The following KMT2A variants were observed in gnomAD, a reference collection of about 807,000 sequenced individuals.
The protein encoded by KMT2A is lysine methyltransferase 2A, also known as histone-lysine N-methyltransferase 2A.
KMT2A carries 16 observed loss-of-function variants against 345.3 expected under a neutral mutation model. That is an observed-to-expected ratio of 0.05 (90% CI 0.03 to 0.07). The LOEUF (loss-of-function observed/expected upper bound fraction) is 0.07, where lower values mean the gene tolerates loss of function less well. Ranked by LOEUF, KMT2A falls within the 10% of genes least tolerant of loss-of-function variation. KMT2A has a pLI of 1.00. For missense variants in KMT2A, 3,272 were observed against 4,841.6 expected (o/e 0.68, Z 9.62); for synonymous variants, 1,599 against 1,778.6 (o/e 0.90, Z 2.54).
chr11:118,458,984 T>C (rs569824650), intron 1 of KMT2A, among the ~76,000 whole-genome samples: 147 of 152,348 alleles, frequency 9.6e-4, no homozygotes, highest in African/African-American at 3.4e-3. Flanking sequence ...TCAGGAGTGA[T>C]TTTGATACTG....
At position 118,496,044 on chromosome 11, in the gene KMT2A, T is replaced by C; in HGVS notation, c.5557+151T>C. 1 of 789,912 alleles carries C rather than the reference T, an allele frequency of 1.3e-6. No homozygotes were observed. 48.9% of individuals were successfully genotyped at this position (789,912 alleles called of 1,614,324 possible). On this transcript the variant is annotated intron_variant, in intron 19 of 35. Coordinates refer to ENST00000534358, the MANE Select transcript of KMT2A (RefSeq NM_001197104.2). This position sits in a 1 kb window ranked among gnomAD's most constrained non-coding sequence, Gnocchi z 4.7. ...ATGTAATACCATCATTAATTTTGCT[T>C]CACTTGAGGTGTTAATGAGGACTTG...
chr11:118,517,873 T>G (rs575633348), intron 31 of KMT2A, among the ~76,000 whole-genome samples: 6 of 152,230 alleles, frequency 3.9e-5, no homozygotes, highest in South Asian at 4.2e-4. Context: ...AGAGACAACA[T>G]TCTTTTTGTT....
At chr11:118,509,866 C>G (rs1950652849) in intron 29 of KMT2A, 82 bp from the exon 30 acceptor site, 2 of 1,003,844 alleles carry the variant, frequency 2.0e-6, no homozygotes. Context: ...GCTTAGAGAT[C>G]ATTTATGTAA....
rs1950559524 is a variant in KMT2A at position 118,505,121 on chromosome 11, G to A, written c.9229G>A (p.Ala3077Thr). The A allele has an allele frequency of 6.2e-7, 1 of 1,613,982 alleles. No homozygotes were observed. The highest frequency in any genetic ancestry group is 1.3e-5 in the African/African-American group (1 of 74,906). The stretch of plus-strand genomic sequence containing the variant: ...GACCACTCCACCCCACCTGAAGCCA[G>A]CCACTGAGAAACTCATAGTTGTTAA... ...VQTTPPHLKP[A>T]TEKLIVVNQN... The change falls in exon 27 of 36, where the codon GCC (alanine) becomes ACC (threonine). Residue 3077 changes from alanine (A) to threonine (T), a missense_variant. This residue lies in a region of KMT2A where 748 missense variants were observed against 922.2 expected (regional missense o/e 0.81). Transcript: ENST00000534358. The surrounding 1 kb of genome is among the most constrained non-coding windows in gnomAD (Gnocchi z 4.6).
At chr11:118,442,890 T>C (rs1555026235) in intron 1 of KMT2A, among the ~76,000 whole-genome samples, 1 of 152,216 alleles carries the variant, frequency 6.6e-6, no homozygotes, top group African/African-American at 2.4e-5. Flanking sequence ...GAAAATGCTA[T>C]CTTTTATTAA....
rs995424003 is a variant in KMT2A, at chr11:118,524,722, A to C, written c.*2550A>C. On this transcript the variant is annotated 3_prime_UTR_variant, in exon 36 of 36. Transcript: ENST00000534358. ...TATTTTTTTTAAAGAAAAAAAAAAA[A>C]CCTTAAGCTGCATTTGTTACTGAAA... 12 of 178,696 alleles carry C rather than the reference A, an allele frequency of 6.7e-5. No individual in the cohort carries two copies. Among genetic ancestry groups the C allele is most frequent in the Non-Finnish European group, 1.2e-4 (10 of 83,456 alleles). 11.1% of individuals were successfully genotyped at this position (178,696 alleles called of 1,614,324 possible). A position where few individuals can be genotyped will look rare whatever the true frequency, so the allele number is the denominator to read the frequency against.
At chr11:118,509,357 G>A (rs956960319) in intron 29 of KMT2A, among the ~76,000 whole-genome samples, 157 bp downstream of exon 29, 17 of 151,622 alleles carry the variant, frequency 1.1e-4, no homozygotes, top group Middle Eastern at 3.4e-3. Context: ...GAAACTTGGC[G>A]CACCTGTCTC....
intron 3 of KMT2A, among the ~76,000 whole-genome samples, chr11:118,475,914 CT>C (rs1376820027): frequency 2.0e-5 from 3 of 151,550 alleles, no homozygotes; most frequent in African/African-American, 7.3e-5. Context: ...TATACTTTCT[CT>C]TTTTTTTGAG....
In KMT2A at chr11:118,493,695, G is replaced by A. The variant is rs1317052352; in HGVS notation, c.5178+465G>A. On this transcript the variant is annotated intron_variant, in intron 16 of 35. Transcript: ENST00000534358. This position sits in a 1 kb window ranked among gnomAD's most constrained non-coding sequence, Gnocchi z 5.8. ...TCTCATGATCTATATTTGCGATTCT[G>A]TTGTTTATTTTTATTTATTTATTTA... Among the ~76,000 whole-genome samples, 1 of 151,978 alleles carries A rather than the reference G, an allele frequency of 6.6e-6. No homozygotes were observed. Among genetic ancestry groups the A allele is most frequent in the Non-Finnish European group, 1.5e-5 (1 of 68,002 alleles).
chr11:118,453,974 G>A (rs1555029830), intron 1 of KMT2A, among the ~76,000 whole-genome samples: 1 of 151,970 alleles, frequency 6.6e-6, no homozygotes, highest in African/African-American at 2.4e-5. Context: ...ATTTATCGTC[G>A]ATTTATCTCT....
At chr11:118,515,682 C>CT (rs11374365) in intron 31 of KMT2A, among the ~76,000 whole-genome samples, 70,500 of 97,562 alleles carry the variant, frequency 0.72, 26,034 homozygotes, top group Admixed American at 0.79. Context: ...TTTTTCTGTC[C>CT]TTTTTTTTTT....
rs2135283936 is a variant in KMT2A, at chr11:118,519,769, A to G, written c.11298A>G (p.Ser3766=). The part of the protein sequence containing the change: ...ANEPPLNPHG[S]ARAEVHLRKS... ...AACCCCCCTTGAACCCTCACGGCTC[A>G]GCCAGGGCTGAAGTCCACCTCAGGC... The change falls in exon 32 of 36, where the codon TCA becomes TCG. Residue 3766 remains serine (S), a synonymous_variant. Transcript: ENST00000534358. 1 of 1,613,778 alleles carries G rather than the reference A, an allele frequency of 6.2e-7. No homozygotes were observed. The highest frequency in any genetic ancestry group is 1.1e-5 in the South Asian group (1 of 91,086).
chr11:118,461,160 A>G (rs1317279580), intron 1 of KMT2A, among the ~76,000 whole-genome samples: 1 of 152,220 alleles, frequency 6.6e-6, no homozygotes, highest in East Asian at 1.9e-4. Context: ...TGGGAGAAAT[A>G]TTCCTATTGC....
At chr11:118,454,128 T>C (rs1413116019) in intron 1 of KMT2A, among the ~76,000 whole-genome samples, 1 of 152,212 alleles carries the variant, frequency 6.6e-6, no homozygotes. Flanking sequence ...GAGTTGCTTA[T>C]GTTATTACCT....
chr11:118,481,589 T>C lies in KMT2A; in HGVS notation c.3635-126T>C, dbSNP rs570258431. On this transcript the variant is annotated intron_variant, in intron 6 of 35. Transcript: ENST00000534358. ...GAGTGCAGATATCTCTTTGATATAC[T>C]GATTTCCTTTATTTTGGTATATACC... 2.8e-5 allele frequency: 28 copies of C among 995,800 alleles called. No homozygotes were observed. The South Asian group carries it at 3.6e-4, about 13-fold the overall frequency. The allele number at this position is 995,800 out of a possible 1,614,324, so 61.7% of individuals were successfully genotyped here.
At chr11:118,463,093 CT>C (rs1164741940) in intron 1 of KMT2A, among the ~76,000 whole-genome samples, 1 of 151,788 alleles carries the variant, frequency 6.6e-6, no homozygotes, top group Non-Finnish European at 1.5e-5. Context: ...AATAATGAAC[CT>C]AACAGTGTGT....
At chr11:118,479,958 A>G (rs1000487221) in intron 5 of KMT2A, among the ~76,000 whole-genome samples, 2 of 152,166 alleles carry the variant, frequency 1.3e-5, no homozygotes, top group African/African-American at 4.8e-5. Flanking sequence ...AAATAATTTG[A>G]TATTTGCTCC....
chr11:118,498,135 T>A lies in KMT2A; in HGVS notation c.5802+62T>A. On this transcript the variant is annotated intron_variant, in intron 21 of 35. Coordinates refer to ENST00000534358, the MANE Select transcript of KMT2A (RefSeq NM_001197104.2). The surrounding 1 kb of genome is among the most constrained non-coding windows in gnomAD (Gnocchi z 4.4). ...CCTCTCAGTTTCCAGATATTCTTCC[T>A]GTGGGTGAATATGGCCTCCCTGATA... 2 of 1,552,888 alleles carry A rather than the reference T, an allele frequency of 1.3e-6. No individual in the cohort carries two copies. The highest frequency in any genetic ancestry group is 8.9e-7 in the Non-Finnish European group (1 of 1,128,942).
intron 10 of KMT2A, 176 bp from the exon 11 acceptor site, chr11:118,488,438 C>A: frequency 1.5e-6 from 1 of 689,092 alleles, no homozygotes; most frequent in Non-Finnish European, 2.6e-6. Flanking sequence ...TACTCTGAAT[C>A]TCCCGCAGTG....
Sources: allele counts gnomAD v4.1 joint callset (sites outside exome capture counted in the v4.1 genomes callset), GRCh38; gene constraint gnomAD v4.1.1; regional missense constraint gnomAD v4.1.1; non-coding constraint Gnocchi (gnomAD v3.1); transcripts MANE v1.5; gene names NCBI Gene and HGNC (gene_info 2026-07-23, HGNC 2026-07-21).